SHISA9: variants seen among roughly 807,000 people sequenced by gnomAD.
SHISA9 encodes protein shisa-9.
SHISA9 carries 13 observed loss-of-function variants against 38.0 expected under a neutral mutation model. The observed-to-expected ratio is 0.34, with a 90% CI of 0.22 to 0.54. The LOEUF is 0.54. Ranked by LOEUF, SHISA9 falls within the 20% of genes least tolerant of loss-of-function variation. The probability of loss-of-function intolerance (pLI) is 0.91; values close to 1 mark genes in which losing one functional copy is unlikely to be tolerated. For synonymous variants in SHISA9, 275 were observed against 242.0 expected (o/e 1.14, Z -1.27); for missense variants, 538 against 575.8 (o/e 0.93, Z 0.67).
chr16:13,414,675 TGCC>T, the SHISA9 span, among the ~76,000 whole-genome samples: 1 of 145,540 alleles, frequency 6.9e-6, no homozygotes, highest in East Asian at 2.1e-4. Context: ...GACAGAGTGT[TGCC>T]CTCTTGCCCA....
At chr16:13,380,272 C>T in the SHISA9 span, among the ~76,000 whole-genome samples, 4 of 152,020 alleles carry the variant, frequency 2.6e-5, no homozygotes, top group African/African-American at 7.2e-5. Context: ...TCCTTTCTAA[C>T]CCAGTGCTGA....
chr16:13,090,163 G>A (rs945414467), intron 2 of SHISA9, among the ~76,000 whole-genome samples: 4 of 152,220 alleles, frequency 2.6e-5, no homozygotes, highest in African/African-American at 9.6e-5. Context: ...TGTGGTCTGA[G>A]AGACAGTTTT....
intron 2 of SHISA9, among the ~76,000 whole-genome samples, chr16:13,087,218 A>G (rs926998225): frequency 7.1e-6 from 1 of 140,056 alleles, no homozygotes; most frequent in African/African-American, 2.7e-5. Context: ...TTCTTAATGC[A>G]GTCTATCATT....
At chr16:13,475,796 C>T in the SHISA9 span, among the ~76,000 whole-genome samples, 129 of 152,224 alleles carry the variant, frequency 8.5e-4, no homozygotes, top group Non-Finnish European at 1.4e-3. Flanking sequence ...CATATGGTCA[C>T]GATGGGAGAC....
At chr16:13,524,878 T>C in the SHISA9 span, among the ~76,000 whole-genome samples, 1 of 152,136 alleles carries the variant, frequency 6.6e-6, no homozygotes, top group Non-Finnish European at 1.5e-5. Context: ...TGCCTTTCCA[T>C]ATGCTCAGCA....
At chr16:13,499,486 G>C in the SHISA9 span, among the ~76,000 whole-genome samples, 1 of 152,142 alleles carries the variant, frequency 6.6e-6, no homozygotes, top group African/African-American at 2.4e-5. Context: ...TGAGTACATA[G>C]AGAGAAAAAG....
chr16:13,509,914 T>C, the SHISA9 span, among the ~76,000 whole-genome samples: 1 of 152,218 alleles, frequency 6.6e-6, no homozygotes, highest in Non-Finnish European at 1.5e-5. Flanking sequence ...TTTCCTCATC[T>C]GTGAAGTGGG....
the SHISA9 span, among the ~76,000 whole-genome samples, chr16:13,406,983 G>A: frequency 2.0e-5 from 3 of 147,880 alleles, no homozygotes; most frequent in African/African-American, 5.1e-5. Flanking sequence ...CAGAAGAATC[G>A]CTTGAATCTG....
chr16:13,071,501 T>C (rs1048949920), intron 2 of SHISA9, among the ~76,000 whole-genome samples: 3 of 151,148 alleles, frequency 2.0e-5, no homozygotes, highest in African/African-American at 7.3e-5. Context: ...ATTTTAACCC[T>C]GGCCTTTCCA....
intron 3 of SHISA9, among the ~76,000 whole-genome samples, chr16:13,212,393 C>G (rs1331152801): frequency 1.3e-5 from 2 of 152,080 alleles, no homozygotes; most frequent in African/African-American, 4.8e-5. Context: ...TTGGGTATAG[C>G]CTTGGCCAAT....
At chr16:13,417,357 G>A in the SHISA9 span, among the ~76,000 whole-genome samples, 82 of 151,916 alleles carry the variant, frequency 5.4e-4, no homozygotes, top group Non-Finnish European at 1.0e-3. Flanking sequence ...TGTCACTTGC[G>A]TTATTTGGGA....
At chr16:13,224,350 C>A (rs2051258335) in intron 4 of SHISA9, among the ~76,000 whole-genome samples, 1 of 152,178 alleles carries the variant, frequency 6.6e-6, no homozygotes, top group African/African-American at 2.4e-5. Context: ...GAAAATGGAT[C>A]CTAGTTCGCC....
the SHISA9 span, among the ~76,000 whole-genome samples, chr16:13,495,938 A>G: frequency 1.3e-5 from 2 of 152,188 alleles, no homozygotes; most frequent in Non-Finnish European, 2.9e-5. Context: ...TGGAGAACCA[A>G]ACATAAAGAT....
chr16:13,412,537 G>T, the SHISA9 span, among the ~76,000 whole-genome samples: 1 of 151,840 alleles, frequency 6.6e-6, no homozygotes, highest in Non-Finnish European at 1.5e-5. Flanking sequence ...AACCTCTTGT[G>T]GTTCCTGACT....
the SHISA9 span, among the ~76,000 whole-genome samples, chr16:13,430,381 T>G: frequency 6.6e-6 from 1 of 152,178 alleles, no homozygotes; most frequent in Non-Finnish European, 1.5e-5. Flanking sequence ...AAATTTCATG[T>G]TGCCTTTTGG....
the SHISA9 span, among the ~76,000 whole-genome samples, chr16:13,335,036 G>A: frequency 6.6e-6 from 1 of 152,186 alleles, no homozygotes; most frequent in East Asian, 1.9e-4. Context: ...CCTGTGAATT[G>A]TTTCCATGTG....
At chr16:12,929,984 C>T (rs538594012) in intron 2 of SHISA9, among the ~76,000 whole-genome samples, 4 of 152,084 alleles carry the variant, frequency 2.6e-5, no homozygotes, top group Non-Finnish European at 5.9e-5. Flanking sequence ...CAGAAAATAT[C>T]CCAGCCCATG....
the SHISA9 span, among the ~76,000 whole-genome samples, chr16:13,262,647 A>G: frequency 1.3e-5 from 1 of 77,186 alleles, no homozygotes; most frequent in African/African-American, 5.5e-5. Context: ...GAAGGAAGGA[A>G]GGAAGGAAGG....
the SHISA9 span, among the ~76,000 whole-genome samples, chr16:13,294,779 G>A: frequency 2.6e-5 from 4 of 152,302 alleles, no homozygotes; most frequent in Non-Finnish European, 5.9e-5. Context: ...AATACAATGA[G>A]CGAATTGAGT....
Sources: gnomAD v4.1 joint callset for allele counts (sites outside exome capture counted in the v4.1 genomes callset) on GRCh38, gnomAD v4.1.1 for gene constraint, MANE v1.5 for transcripts, NCBI Gene and HGNC (gene_info 2026-07-23, HGNC 2026-07-21) for gene names.